The following MACROD2 variants were observed in gnomAD, a reference collection of about 807,000 sequenced individuals.
The protein encoded by MACROD2 is mono-ADP ribosylhydrolase 2, also known as ADP-ribose glycohydrolase MACROD2.
MACROD2 carries 36 observed loss-of-function variants against 70.4 expected under a neutral mutation model. The ratio of observed to expected loss-of-function variants is 0.51; its 90% CI spans 0.39 to 0.68. The LOEUF is 0.68. MACROD2 is among the 30% of genes least tolerant of loss of function. The pLI is 0.00. For missense variants in MACROD2, 496 were observed against 538.4 expected (o/e 0.92, Z 0.78); for synonymous variants, 172 against 178.8 (o/e 0.96, Z 0.30).
At chr20:15,232,045 A>G (rs1255866853) in intron 6 of MACROD2, among the ~76,000 whole-genome samples, 3 of 151,652 alleles carry the variant, frequency 2.0e-5, no homozygotes, top group Non-Finnish European at 4.4e-5. Flanking sequence ...AAAGAAAAAT[A>G]TTTTTCTTTT....
At chr20:15,609,653 T>C (rs1298338771) in intron 8 of MACROD2, among the ~76,000 whole-genome samples, 1 of 152,224 alleles carries the variant, frequency 6.6e-6, no homozygotes, top group Admixed American at 6.5e-5. Flanking sequence ...TGTGTCATGA[T>C]AGAATGCAAA....
intron 4 of MACROD2, among the ~76,000 whole-genome samples, chr20:14,643,540 G>A (rs1038067788): frequency 5.3e-5 from 8 of 152,114 alleles, no homozygotes; most frequent in African/African-American, 1.4e-4. Flanking sequence ...AGCTCTAGGA[G>A]CATTCACAAA....
chr20:14,941,079 G>C (rs2074385745), intron 5 of MACROD2, among the ~76,000 whole-genome samples: 1 of 152,066 alleles, frequency 6.6e-6, no homozygotes, highest in Non-Finnish European at 1.5e-5. Context: ...CTCATTATTA[G>C]TTTGTTGAGG....
intron 3 of MACROD2, among the ~76,000 whole-genome samples, chr20:14,187,649 C>T (rs947703579): frequency 1.3e-5 from 2 of 152,100 alleles, no homozygotes; most frequent in East Asian, 3.8e-4. Flanking sequence ...CATAAAGCAG[C>T]TTACTTTTAT....
chr20:14,908,373 G>A (rs1159803580), intron 5 of MACROD2, among the ~76,000 whole-genome samples: 10 of 145,984 alleles, frequency 6.9e-5, no homozygotes, highest in African/African-American at 2.3e-4. Context: ...GTGTATTGTC[G>A]GCCACGCATG....
At chr20:14,922,251 T>A (rs1398076572) in intron 5 of MACROD2, among the ~76,000 whole-genome samples, 1 of 152,292 alleles carries the variant, frequency 6.6e-6, no homozygotes, top group East Asian at 1.9e-4. Flanking sequence ...TTTCAACTTT[T>A]CCCCAAGATC....
At chr20:15,191,402 A>G (rs1244730546) in intron 5 of MACROD2, among the ~76,000 whole-genome samples, 1 of 152,242 alleles carries the variant, frequency 6.6e-6, no homozygotes, top group Admixed American at 6.5e-5. Flanking sequence ...GGAAGCCATT[A>G]GGATGCCAGG....
chr20:14,883,617 A>T (rs1257873457), intron 5 of MACROD2, among the ~76,000 whole-genome samples: 1 of 152,184 alleles, frequency 6.6e-6, no homozygotes, highest in Non-Finnish European at 1.5e-5. Context: ...AGTAGTTTAA[A>T]TAAAAACAAA....
chr20:15,767,896 T>C (rs6135498), intron 8 of MACROD2, among the ~76,000 whole-genome samples: 71,434 of 151,964 alleles, frequency 0.47, 17,216 homozygotes, highest in African/African-American at 0.57. Context: ...ACAACCCCTG[T>C]GTTGGCTTAT....
chr20:14,861,102 AT>A (rs1470549768), intron 5 of MACROD2, among the ~76,000 whole-genome samples: 2 of 152,160 alleles, frequency 1.3e-5, no homozygotes, highest in African/African-American at 4.8e-5. Flanking sequence ...CATGGTTACA[AT>A]GAAGAGAATT....
chr20:14,726,685 C>G lies in MACROD2; in HGVS notation c.418+41726C>G, dbSNP rs141519240. The stretch of plus-strand genomic sequence containing the variant: ...AGCATTATTGTCTTGCTTTTAACTA[C>G]TCGGGCATCAAGTTAGGAAACTGGT... On this transcript the variant is annotated intron_variant, in intron 5 of 17. Coordinates refer to ENST00000684519, the MANE Select transcript of MACROD2 (RefSeq NM_001351661.2). 6.6e-5 allele frequency among the ~76,000 whole-genome samples: 10 copies of G among 152,258 alleles called. No individual in the cohort carries two copies. In the East Asian group the frequency reaches 1.7e-3, roughly 26 times the overall value.
intron 5 of MACROD2, among the ~76,000 whole-genome samples, chr20:14,776,197 G>A (rs2072232320): frequency 6.6e-6 from 1 of 151,992 alleles, no homozygotes; most frequent in African/African-American, 2.4e-5. Context: ...AGCATAGGGA[G>A]GGATTTTCTG....
chr20:14,196,444 A>T (rs560863452), intron 3 of MACROD2, among the ~76,000 whole-genome samples: 1 of 152,340 alleles, frequency 6.6e-6, no homozygotes, highest in East Asian at 1.9e-4. Flanking sequence ...CATTAAAATT[A>T]CGTTTGTTAT....
chr20:14,005,889 C>A (rs1309214862), intron 2 of MACROD2, among the ~76,000 whole-genome samples: 1 of 152,176 alleles, frequency 6.6e-6, no homozygotes, highest in Admixed American at 6.5e-5. Flanking sequence ...ACGTGAGCCA[C>A]TGCACCTGCC....
At chr20:15,492,070 G>C (rs2047238754) in intron 7 of MACROD2, among the ~76,000 whole-genome samples, 1 of 152,174 alleles carries the variant, frequency 6.6e-6, no homozygotes, top group Non-Finnish European at 1.5e-5. Flanking sequence ...GCATTCTGCT[G>C]CTGTGCTCAC....
chr20:15,177,552 T>C (rs192991030), intron 5 of MACROD2, among the ~76,000 whole-genome samples: 1 of 152,354 alleles, frequency 6.6e-6, no homozygotes, highest in Admixed American at 6.5e-5. Flanking sequence ...TTATTTTCAG[T>C]GGTATCCTGA....
At chr20:15,927,892 T>C (rs992052614) in intron 10 of MACROD2, among the ~76,000 whole-genome samples, 3 of 152,154 alleles carry the variant, frequency 2.0e-5, no homozygotes, top group Non-Finnish European at 4.4e-5. Context: ...AAAATAGGTG[T>C]TTGCATTGGA....
At chr20:15,460,990 A>C (rs1347882205) in intron 7 of MACROD2, among the ~76,000 whole-genome samples, 2 of 79,334 alleles carry the variant, frequency 2.5e-5, no homozygotes, top group African/African-American at 1.0e-4. Flanking sequence ...ATATATATAT[A>C]TATATATATA....
intron 8 of MACROD2, among the ~76,000 whole-genome samples, chr20:15,735,589 T>C (rs1364869196): frequency 6.6e-6 from 1 of 152,194 alleles, no homozygotes; most frequent in Admixed American, 6.5e-5. Context: ...TGGAATTGAT[T>C]GCTTTTAACC....
Sources: gnomAD v4.1 joint callset for allele counts (sites outside exome capture counted in the v4.1 genomes callset) on GRCh38, gnomAD v4.1.1 for gene constraint, MANE v1.5 for transcripts, NCBI Gene and HGNC (gene_info 2026-07-23, HGNC 2026-07-21) for gene names.